DHX32: variants seen among roughly 807,000 people sequenced by gnomAD.
The protein encoded by DHX32 is DEAH-box helicase 32 (putative), also known as putative pre-mRNA-splicing factor ATP-dependent RNA helicase DHX32.
DHX32 carries 51 observed loss-of-function variants against 70.0 expected under a neutral mutation model. The observed-to-expected ratio is 0.73, with a 90% CI of 0.58 to 0.92. DHX32 has a LOEUF of 0.92. Among genes scored for constraint, DHX32 ranks in the 40% least tolerant of loss-of-function variants. The probability of loss-of-function intolerance (pLI) is 0.00; values close to 1 mark genes in which losing one functional copy is unlikely to be tolerated. For missense variants in DHX32, 762 were observed against 891.8 expected, an observed-to-expected ratio of 0.85 and a Z score of 1.85; for synonymous variants, 310 against 315.3, an observed-to-expected ratio of 0.98 and a Z score of 0.18.
intron 4 of DHX32, 152 bp downstream of exon 4, chr10:125,853,809 C>G (rs1589710219): frequency 5.1e-5 from 42 of 831,356 alleles, no homozygotes. Context: ...TTACTGGCTG[C>G]AATAATTCTT....
chr10:125,885,431 T>C (rs1351377950), upstream of DHX32, among the ~76,000 whole-genome samples: 4 of 151,984 alleles, frequency 2.6e-5, no homozygotes, highest in African/African-American at 9.7e-5. Flanking sequence ...GTCTTAACAA[T>C]CAGAGGACCC....
intron 1 of DHX32, among the ~76,000 whole-genome samples, chr10:125,887,449 T>C (rs757447702): frequency 2.0e-5 from 3 of 152,148 alleles, no homozygotes; most frequent in Admixed American, 2.0e-4. Context: ...AAAGATGAGA[T>C]AGGGGCCAGA....
At chr10:125,859,474 A>T (rs1432353428) in intron 3 of DHX32, 129 bp downstream of exon 3, 2 of 1,031,956 alleles carry the variant, frequency 1.9e-6, no homozygotes, top group Non-Finnish European at 2.7e-6. Flanking sequence ...CACAGGTTTT[A>T]TTTAATGAGG....
chr10:125,879,196 T>A lies in DHX32; in HGVS notation c.282+1347A>T, dbSNP rs550847178. ...GCACCACCATGCCCAGCTAATTTTT[T>A]AATTTTTTATAAAGTTGGGATCTTG... On this transcript the variant is annotated intron_variant, in intron 1 of 10. Coordinates refer to ENST00000284690, the MANE Select transcript of DHX32 (RefSeq NM_018180.3). 4.6e-5 allele frequency among the ~76,000 whole-genome samples: 7 copies of A among 151,656 alleles called. No individual in the cohort carries two copies. In the South Asian group the frequency reaches 6.3e-4, roughly 14 times the overall value.
In DHX32 at chr10:125,873,598, T is replaced by G. The variant is rs927512607; in HGVS notation, c.283-6415A>C. ...TCACCCAAAGGTGAATTCAACACAT[T>G]CAGTGTTGAATTCATCAGCACAAGC... On this transcript the variant is annotated intron_variant, in intron 1 of 10. Coordinates refer to ENST00000284690, the MANE Select transcript of DHX32 (RefSeq NM_018180.3). Among the ~76,000 whole-genome samples, 8 of 152,182 alleles carry G rather than the reference T, an allele frequency of 5.3e-5. 1 individual carries two copies. Among genetic ancestry groups the G allele is most frequent in the Admixed American group, 4.6e-4 (7 of 15,286 alleles).
At chr10:125,847,641 CAT>C (rs1387093662) in intron 6 of DHX32, among the ~76,000 whole-genome samples, 1 of 152,190 alleles carries the variant, frequency 6.6e-6, no homozygotes, top group Non-Finnish European at 1.5e-5. Context: ...AAGCTCGTTA[CAT>C]GTGCACTTTA....
chr10:125,883,440 A>T (rs1944328914), upstream of DHX32, among the ~76,000 whole-genome samples: 1 of 152,154 alleles, frequency 6.6e-6, no homozygotes, highest in Non-Finnish European at 1.5e-5. Context: ...CCTCTTTAGA[A>T]CCAGCTGTCA....
At chr10:125,843,242 A>C (rs1176061372) in intron 6 of DHX32, among the ~76,000 whole-genome samples, 1 of 152,102 alleles carries the variant, frequency 6.6e-6, no homozygotes, top group Non-Finnish European at 1.5e-5. Flanking sequence ...GAAGCGCTTG[A>C]ACCTGTCTGC....
intron 2 of DHX32, among the ~76,000 whole-genome samples, chr10:125,861,925 AG>A (rs1432670274): frequency 1.3e-5 from 2 of 151,708 alleles, no homozygotes; most frequent in African/African-American, 2.4e-5. Flanking sequence ...ACCTCTTTCA[AG>A]GAAAAAAAAA....
intron 1 of DHX32, among the ~76,000 whole-genome samples, chr10:125,878,408 C>T (rs141927186): frequency 3.3e-5 from 5 of 152,278 alleles, no homozygotes; most frequent in African/African-American, 9.6e-5. Context: ...CTTTTCCTGG[C>T]CATCTCATCT....
chr10:125,852,195 T>C, intron 6 of DHX32, 98 bp downstream of exon 6: 1 of 1,426,442 alleles, frequency 7.0e-7, no homozygotes, highest in South Asian at 1.3e-5. Context: ...TCCATGCTTG[T>C]GTGCATTGCT....
Position 125,852,275 on chromosome 10 carries a change from A to G in DHX32, c.1351+18T>C, listed in dbSNP as rs372388715. ...AATCTCAGCCTAATGCCTGGCTGACATGGGAGCATAAGGCTACCTGGTCTG... is the reference window on the plus strand; with the variant it reads ...AATCTCAGCCTAATGCCTGGCTGACGTGGGAGCATAAGGCTACCTGGTCTG... On this transcript the variant is annotated intron_variant, in intron 6 of 10. Coordinates refer to ENST00000284690, the MANE Select transcript of DHX32 (RefSeq NM_018180.3). The G allele has an allele frequency of 1.9e-6, 3 of 1,610,928 alleles. No individual in the cohort carries two copies. The highest frequency in any genetic ancestry group is 2.5e-6 in the Non-Finnish European group (3 of 1,177,926).
chr10:125,887,740 C>G (rs1367061662), intron 1 of DHX32, among the ~76,000 whole-genome samples: 1 of 151,992 alleles, frequency 6.6e-6, no homozygotes, highest in Non-Finnish European at 1.5e-5. Flanking sequence ...TTCCGAGTAG[C>G]TAGAAGTAGA....
At chr10:125,886,284 C>T (rs1351836696), upstream of DHX32, among the ~76,000 whole-genome samples, 2 of 152,192 alleles carry the variant, frequency 1.3e-5, no homozygotes, top group African/African-American at 4.8e-5. Flanking sequence ...ACTTTTACCG[C>T]TCTCCCACAC....
At chr10:125,884,131 T>C (rs940061390), upstream of DHX32, among the ~76,000 whole-genome samples, 13 of 152,340 alleles carry the variant, frequency 8.5e-5, no homozygotes, top group Middle Eastern at 6.8e-3. Context: ...TTTGCTGCTA[T>C]ATGGTTTGGA....
At chr10:125,851,949 A>G (rs1944096101) in intron 6 of DHX32, among the ~76,000 whole-genome samples, 2 of 151,696 alleles carry the variant, frequency 1.3e-5, no homozygotes, top group South Asian at 2.1e-4. Flanking sequence ...AAAGAAAAGA[A>G]AAAAGGACAA....
Position 125,836,772 on chromosome 10 carries a change from T to G in DHX32, c.2147A>C (p.His716Pro). The change falls in exon 11 of 11, where the codon CAC (histidine) becomes CCC (proline). Residue 716 changes from histidine to proline, a missense_variant. Coordinates refer to ENST00000284690, the MANE Select transcript of DHX32 (RefSeq NM_018180.3). ...SKDILQQVVD[H>P]LSPVSTMNKE... ...ATTCATTGTTGACACAGGGGATAGGTGATCCACTACTTGCTGTAGAATGTC... is the reference window on the plus strand; with the variant it reads ...ATTCATTGTTGACACAGGGGATAGGGGATCCACTACTTGCTGTAGAATGTC... The G allele has an allele frequency of 6.2e-7, 1 of 1,614,124 alleles. No homozygotes were observed. The highest frequency in any genetic ancestry group is 1.1e-5 in the South Asian group (1 of 91,080).
At chr10:125,881,474 G>A (rs900184899), upstream of DHX32, among the ~76,000 whole-genome samples, 2 of 152,190 alleles carry the variant, frequency 1.3e-5, no homozygotes, top group African/African-American at 2.4e-5. Context: ...ATGACCTGGT[G>A]AGTGTTCCTC....
In DHX32 at chr10:125,836,645, G is replaced by T; in HGVS notation, c.*42C>A. 6.3e-7 allele frequency: 1 copy of T among 1,595,776 alleles called. No homozygotes were observed. The highest frequency in any genetic ancestry group is 8.6e-7 in the Non-Finnish European group (1 of 1,169,430). ...CCATATCCAGCAGTTCAGCCATCCAGCTACCTTTGGGACCCTGCTGCACCT... is the reference window on the plus strand; with the variant it reads ...CCATATCCAGCAGTTCAGCCATCCATCTACCTTTGGGACCCTGCTGCACCT... On this transcript the variant is annotated 3_prime_UTR_variant, in exon 11 of 11. Transcript: ENST00000284690.
Sources: gnomAD v4.1 joint callset for allele counts (sites outside exome capture counted in the v4.1 genomes callset) on GRCh38, gnomAD v4.1.1 for gene constraint, MANE v1.5 for transcripts, NCBI Gene and HGNC (gene_info 2026-07-23, HGNC 2026-07-21) for gene names.